The following HERC1 variants were observed in gnomAD, a reference collection of about 807,000 sequenced individuals.
The protein encoded by HERC1 is probable E3 ubiquitin-protein ligase HERC1.
Under a neutral mutation model 554.3 loss-of-function variants are expected in HERC1, and 160 were observed. The observed-to-expected ratio is 0.29, with a 90% CI of 0.25 to 0.33. The LOEUF (loss-of-function observed/expected upper bound fraction) is 0.33. HERC1 is among the 10% of genes least tolerant of loss of function. HERC1 has a pLI of 1.00. For synonymous variants in HERC1, 2,175 were observed against 2,131.7 expected, an observed-to-expected ratio of 1.02 and a Z score of -0.56; for missense variants, 4,919 against 5,918.5, an observed-to-expected ratio of 0.83 and a Z score of 5.54.
intron 1 of HERC1, among the ~76,000 whole-genome samples, chr15:63,781,503 C>T (rs2076288024): frequency 1.3e-5 from 2 of 152,142 alleles, no homozygotes; most frequent in Admixed American, 1.3e-4. Context: ...GGGGGTGCCA[C>T]AAAGCACACC....
chr15:63,717,504 A>G (rs1352954989), intron 21 of HERC1, among the ~76,000 whole-genome samples: 1 of 152,224 alleles, frequency 6.6e-6, no homozygotes, highest in Non-Finnish European at 1.5e-5. Flanking sequence ...AAGATTACCA[A>G]GCACTTTAGA....
intron 1 of HERC1, among the ~76,000 whole-genome samples, chr15:63,821,849 A>G (rs1014923282): frequency 1.2e-4 from 19 of 152,296 alleles, no homozygotes; most frequent in Admixed American, 7.8e-4. Flanking sequence ...AGGCAGTGGA[A>G]TAAACAACAT....
At chr15:63,806,021 A>G (rs1249181326) in intron 1 of HERC1, among the ~76,000 whole-genome samples, 1 of 151,974 alleles carries the variant, frequency 6.6e-6, no homozygotes, top group Non-Finnish European at 1.5e-5. Flanking sequence ...GGTATTCCCA[A>G]AAGTTCTAGA....
intron 19 of HERC1, among the ~76,000 whole-genome samples, chr15:63,721,147 T>A (rs978721865): frequency 3.9e-5 from 6 of 152,188 alleles, no homozygotes; most frequent in African/African-American, 1.4e-4. Context: ...AAATACATCT[T>A]AGAAAGTAAA....
chr15:63,620,540 G>T (rs1337415689), intron 74 of HERC1, among the ~76,000 whole-genome samples: 1 of 152,044 alleles, frequency 6.6e-6, no homozygotes, highest in African/African-American at 2.4e-5. Context: ...TTCAATTCCT[G>T]GATATCCTTG....
intron 1 of HERC1, among the ~76,000 whole-genome samples, chr15:63,827,223 G>C (rs969313771): frequency 6.6e-6 from 1 of 152,014 alleles, no homozygotes; most frequent in Admixed American, 6.6e-5. Context: ...CCAGGAATTC[G>C]AGACCAGCCT....
intron 1 of HERC1, among the ~76,000 whole-genome samples, chr15:63,809,965 C>T (rs553384973): frequency 6.6e-6 from 1 of 152,182 alleles, no homozygotes; most frequent in South Asian, 2.1e-4. Context: ...GTGTGAGCCA[C>T]TGCACCCAGC....
intron 2 of HERC1, among the ~76,000 whole-genome samples, chr15:63,767,883 C>T (rs2075832728): frequency 6.6e-6 from 1 of 152,182 alleles, no homozygotes; most frequent in Admixed American, 6.5e-5. Flanking sequence ...CACCACTCTC[C>T]TCACCCCAGC....
intron 40 of HERC1, among the ~76,000 whole-genome samples, chr15:63,668,516 C>T (rs575026654): frequency 6.6e-6 from 1 of 152,198 alleles, no homozygotes; most frequent in South Asian, 2.1e-4. Flanking sequence ...AAAGCAAGAC[C>T]TAACTACTAC....
intron 1 of HERC1, among the ~76,000 whole-genome samples, chr15:63,821,414 G>T (rs982787637): frequency 6.6e-6 from 1 of 151,772 alleles, no homozygotes; most frequent in Non-Finnish European, 1.5e-5. Context: ...AAATTAGCCA[G>T]GCATGGTGGC....
rs201362777 is a variant in HERC1, at chr15:63,753,015, G to A, written c.1845C>T (p.Phe615=). The change falls in exon 8 of 78, where the codon TTC becomes TTT. Residue 615 remains phenylalanine (F), a synonymous_variant. Coordinates refer to ENST00000443617, the MANE Select transcript of HERC1 (RefSeq NM_003922.4). Reference sequence around the variant, plus strand: ...GGCTCCCAGCACAAACTTTGCGAATGAACATTCCTTGTAAAGCTTCAATAA... The same window carrying A: ...GGCTCCCAGCACAAACTTTGCGAATAAACATTCCTTGTAAAGCTTCAATAA... The part of the protein sequence containing the change: ...PKVIEALQGM[F]IRKVCAGSQS... 4.4e-5 allele frequency: 71 copies of A among 1,613,528 alleles called. No homozygotes were observed. In the East Asian group the frequency reaches 1.6e-3, roughly 36 times the overall value.
Position 63,734,102 on chromosome 15 carries a change from G to A in HERC1, c.2646+622C>T, listed in dbSNP as rs1016848920. ...AGATCCCTTGAGCTTAGGAGTTCAA[G>A]GTTAGAGTGAGCTATGATTGCACCA... On this transcript the variant is annotated intron_variant, in intron 13 of 77. Coordinates refer to ENST00000443617, the MANE Select transcript of HERC1 (RefSeq NM_003922.4). The surrounding 1 kb of genome is among the most constrained non-coding windows in gnomAD (Gnocchi z 4.6). 2.0e-5 allele frequency among the ~76,000 whole-genome samples: 3 copies of A among 152,116 alleles called. No individual in the cohort carries two copies. Among genetic ancestry groups the A allele is most frequent in the Non-Finnish European group, 2.9e-5 (2 of 68,018 alleles).
At chr15:63,763,995 T>G in intron 3 of HERC1, 101 bp downstream of exon 3, 1 of 730,486 alleles carries the variant, frequency 1.4e-6, no homozygotes, top group Non-Finnish European at 2.2e-6. Context: ...CACTTCCTTT[T>G]GTAGCTTTTC....
At chr15:63,671,392 G>C (rs1204623446) in intron 39 of HERC1, among the ~76,000 whole-genome samples, 1 of 150,730 alleles carries the variant, frequency 6.6e-6, no homozygotes, top group Non-Finnish European at 1.5e-5. Context: ...AAAAAAGTGA[G>C]AGAGAAAAAA....
intron 1 of HERC1, among the ~76,000 whole-genome samples, chr15:63,817,666 G>C (rs775006113): frequency 1.1e-4 from 16 of 152,154 alleles, no homozygotes; most frequent in Non-Finnish European, 1.8e-4. Flanking sequence ...AGTCAGCCAA[G>C]TTCGCGCCAC....
At chr15:63,695,538 C>G (rs1225667359) in intron 27 of HERC1, among the ~76,000 whole-genome samples, 9 of 151,998 alleles carry the variant, frequency 5.9e-5, no homozygotes, top group Non-Finnish European at 8.8e-5. Context: ...AGGCGCCCAC[C>G]ACCACGCCCA....
In HERC1 at chr15:63,694,466, T is replaced by C. The variant is rs1027791204; in HGVS notation, c.5326A>G (p.Thr1776Ala). The C allele has an allele frequency of 4.3e-6, 7 of 1,613,852 alleles. No individual in the cohort carries two copies. Among genetic ancestry groups the C allele is most frequent in the African/African-American group, 1.3e-5 (1 of 74,916 alleles). The change falls in exon 29 of 78, where the codon ACT becomes GCT. Residue 1776 changes from threonine to alanine, a missense_variant. Physicochemically the swap from Thr to Ala is moderately conservative, Grantham distance 58 (BLOSUM62 0). Coordinates refer to ENST00000443617, the MANE Select transcript of HERC1 (RefSeq NM_003922.4). This position sits in a 1 kb window ranked among gnomAD's most constrained non-coding sequence, Gnocchi z 4.3. ...QPVDVSLAISTGLLNVLSQLC... is the reference protein window; with the variant it reads ...QPVDVSLAISAGLLNVLSQLC... ...TGTGACAATACGTTTAGCAGACCAG[T>C]GGAAATTGCCAAAGAAACATCTACT...
intron 37 of HERC1, among the ~76,000 whole-genome samples, chr15:63,676,787 T>A (rs898450158): frequency 3.9e-5 from 6 of 152,076 alleles, no homozygotes; most frequent in African/African-American, 1.4e-4. Context: ...AAATAAAATT[T>A]AAAAAGATAT....
At chr15:63,690,133 C>A (rs1399484931) in intron 32 of HERC1, among the ~76,000 whole-genome samples, 1 of 148,236 alleles carries the variant, frequency 6.7e-6, no homozygotes, top group Non-Finnish European at 1.5e-5. Context: ...ACTGCACTCA[C>A]TCCAGGCTGG....
Sources: allele counts gnomAD v4.1 joint callset (sites outside exome capture counted in the v4.1 genomes callset), GRCh38; gene constraint gnomAD v4.1.1; non-coding constraint Gnocchi (gnomAD v3.1); transcripts MANE v1.5; gene names NCBI Gene and HGNC (gene_info 2026-07-23, HGNC 2026-07-21).